PIKFYVE: variants seen among roughly 807,000 people sequenced by gnomAD.
PIKFYVE encodes the protein 1-phosphatidylinositol 3-phosphate 5-kinase.
PIKFYVE carries 122 observed loss-of-function variants against 257.9 expected under a neutral mutation model. The observed-to-expected ratio is 0.47, with a 90% CI of 0.41 to 0.55. The LOEUF (loss-of-function observed/expected upper bound fraction) is 0.55, where lower values mean the gene tolerates loss of function less well. Ranked by LOEUF, PIKFYVE falls within the 20% of genes least tolerant of loss-of-function variation. The pLI, the probability that PIKFYVE is intolerant of heterozygous loss-of-function variation, is 0.00. For synonymous variants in PIKFYVE, 892 were observed against 868.9 expected, an observed-to-expected ratio of 1.03 and a Z score of -0.47; for missense variants, 2,160 against 2,536.6, an observed-to-expected ratio of 0.85 and a Z score of 3.19.
intron 27 of PIKFYVE, 140 bp downstream of exon 27, chr2:208,336,340 C>CT: frequency 1.1e-6 from 1 of 937,610 alleles, no homozygotes; most frequent in Non-Finnish European, 1.6e-6. Context: ...TGTCACTCTC[C>CT]TTTCCTCTTT....
At position 208,330,175 on chromosome 2, in the gene PIKFYVE, A is replaced by G. The variant is rs141295621; in HGVS notation, c.3791+262A>G. ...TTCGGATACCTGTTTTTTTACAGTG[A>G]TTCAAATGAGAGGTAAAATGTTGGA... is the stretch of plus-strand genomic sequence containing the variant. On this transcript the variant is annotated intron_variant, in intron 22 of 41. Transcript: ENST00000264380. 1.1e-4 allele frequency among the ~76,000 whole-genome samples: 17 copies of G among 152,300 alleles called. No individual in the cohort carries two copies. In the East Asian group the frequency reaches 3.1e-3, roughly 28 times the overall value.
chr2:208,339,148 T>C (rs1249611110), intron 29 of PIKFYVE, among the ~76,000 whole-genome samples: 1 of 152,196 alleles, frequency 6.6e-6, no homozygotes, highest in African/African-American at 2.4e-5. Flanking sequence ...GTAGGCATTG[T>C]GGTATAATGG....
At chr2:208,321,575 GTTTTTT>G (rs869195257) in intron 17 of PIKFYVE, among the ~76,000 whole-genome samples, 2 of 143,086 alleles carry the variant, frequency 1.4e-5, no homozygotes, top group African/African-American at 5.2e-5. Flanking sequence ...CTTTTCTTTT[GTTTTTT>G]TTTTTTTTTT....
intron 5 of PIKFYVE, among the ~76,000 whole-genome samples, chr2:208,284,091 A>T (rs947109781): frequency 8.5e-5 from 13 of 152,220 alleles, no homozygotes; most frequent in African/African-American, 3.1e-4. Context: ...AGGTTTAATT[A>T]TTTTACCTCC....
chr2:208,305,764 T>C (rs1162536282), intron 12 of PIKFYVE, among the ~76,000 whole-genome samples: 1 of 152,240 alleles, frequency 6.6e-6, no homozygotes, highest in African/African-American at 2.4e-5. Context: ...ATTATAGTCC[T>C]ATCATGGGAT....
chr2:208,335,930 A>G (rs755417715), intron 26 of PIKFYVE, 29 bp downstream of exon 26: 28 of 1,588,846 alleles, frequency 1.8e-5, no homozygotes, highest in South Asian at 2.2e-5. Context: ...AGAAAATTCA[A>G]AAGTTAATTA....
intron 31 of PIKFYVE, among the ~76,000 whole-genome samples, chr2:208,341,845 T>C (rs562236146): frequency 6.6e-6 from 1 of 152,198 alleles, no homozygotes; most frequent in African/African-American, 2.4e-5. Flanking sequence ...GGGTAAACAT[T>C]CATTCTGTAG....
rs766580494 is a variant in PIKFYVE at position 208,336,104 on chromosome 2, C to G, written c.4424C>G (p.Ser1475Cys). The G allele has an allele frequency of 1.2e-5, 20 of 1,613,930 alleles. No individual in the cohort carries two copies. Among genetic ancestry groups the G allele is most frequent in the Non-Finnish European group, 1.7e-5 (20 of 1,179,972 alleles). Residue 1475 changes from serine to cysteine, a missense_variant, in exon 27 of 42, where the codon TCC (serine) becomes TGC (cysteine). Coordinates refer to ENST00000264380, the MANE Select transcript of PIKFYVE (RefSeq NM_015040.4). Reference protein sequence around the residue: ...IEKMQARLMSSSVDTPQQLQS... With the variant: ...IEKMQARLMSCSVDTPQQLQS... ...AAGATGCAAGCAAGGCTCATGTCTT[C>G]CTCTGTAGATACCCCTCAGCAACTG...
intron 12 of PIKFYVE, chr2:208,305,225 A>T: frequency 6.9e-7 from 1 of 1,447,478 alleles, no homozygotes; most frequent in Non-Finnish European, 9.1e-7. Flanking sequence ...CCTCAGCACC[A>T]CCATGCCCAG....
intron 1 of PIKFYVE, among the ~76,000 whole-genome samples, chr2:208,268,578 CTT>C (rs67368199): frequency 6.9e-6 from 1 of 145,106 alleles, no homozygotes. Context: ...TGCCTGGCCT[CTT>C]TTTTTTTTTA....
intron 13 of PIKFYVE, 73 bp downstream of exon 13, chr2:208,312,368 T>A (rs910145634): frequency 8.4e-7 from 1 of 1,185,888 alleles, no homozygotes; most frequent in African/African-American, 1.5e-5. Flanking sequence ...GCTTAGCACA[T>A]TGATTAGCAC....
At chr2:208,296,742 A>T (rs1693040791) in intron 7 of PIKFYVE, among the ~76,000 whole-genome samples, 1 of 152,170 alleles carries the variant, frequency 6.6e-6, no homozygotes, top group Non-Finnish European at 1.5e-5. Context: ...CCAGGAGGGT[A>T]TTTATCTTAT....
Position 208,288,874 on chromosome 2 carries a change from A to T in PIKFYVE, c.911+56A>T. The T allele has an allele frequency of 1.9e-6, 3 of 1,596,668 alleles. No individual in the cohort carries two copies. The Admixed American group carries it at 5.0e-5, about 27-fold the overall frequency. ...CTGATGTTTATTTCTTTTCATGCTA[A>T]TAAGAAGAACAAACGGATAAAAAGG... On this transcript the variant is annotated intron_variant, in intron 7 of 41. Transcript: ENST00000264380.
chr2:208,341,933 C>G (rs564693185), intron 31 of PIKFYVE, among the ~76,000 whole-genome samples: 1 of 117,612 alleles, frequency 8.5e-6, no homozygotes, highest in Non-Finnish European at 1.8e-5. Context: ...CCCCACTACA[C>G]TATAAACCCT....
Position 208,304,870 on chromosome 2 carries a change from C to T in PIKFYVE, c.1493C>T (p.Thr498Ile). 6.2e-6 allele frequency: 10 copies of T among 1,614,164 alleles called. No homozygotes were observed. Among genetic ancestry groups the T allele is most frequent in the Non-Finnish European group, 7.6e-6 (9 of 1,180,024 alleles). ...GATTCTGCCAGTCCTAGCAAGCGCA[C>T]ATCAGTCAGCAGTTTCCAGTCCACA... ...LANSASPSKR[T>I]SVSSFQSTVD... The change falls in exon 12 of 42, where the codon ACA becomes ATA. Residue 498 changes from threonine to isoleucine, a missense_variant. Coordinates refer to ENST00000264380, the MANE Select transcript of PIKFYVE (RefSeq NM_015040.4).
At chr2:208,296,257 G>A (rs902659543) in intron 7 of PIKFYVE, among the ~76,000 whole-genome samples, 3 of 151,990 alleles carry the variant, frequency 2.0e-5, no homozygotes, top group Admixed American at 2.0e-4. Flanking sequence ...CACCTGCCTC[G>A]GCCTCCCAAA....
At chr2:208,300,384 T>TG (rs1176443112) in intron 8 of PIKFYVE, among the ~76,000 whole-genome samples, 1 of 152,180 alleles carries the variant, frequency 6.6e-6, no homozygotes, top group African/African-American at 2.4e-5. Flanking sequence ...AGTAGGAGTC[T>TG]GGGGGCAATG....
chr2:208,325,636 A>C lies in PIKFYVE; in HGVS notation c.2825A>C (p.Glu942Ala), dbSNP rs1319863038. ...LRIVFEKGEQ[E>A]NKNLPQAVAS... Reference sequence around the variant, plus strand: ...ATTGTGTTTGAGAAGGGTGAGCAGGAAAATAAAAATCTTCCGCAGGCTGTT... The same window carrying C: ...ATTGTGTTTGAGAAGGGTGAGCAGGCAAATAAAAATCTTCCGCAGGCTGTT... Residue 942 changes from glutamate to alanine, a missense_variant, in exon 20 of 42, where the codon GAA (glutamate) becomes GCA (alanine). By Grantham distance (107) the Glu-to-Ala change is moderately radical. Around this residue, in one of 12 missense-constraint regions of PIKFYVE, gnomAD observed 522 missense variants for 514.6 expected, o/e 1.01. Transcript: ENST00000264380. 6.2e-7 allele frequency: 1 copy of C among 1,614,004 alleles called. No homozygotes were observed. Among genetic ancestry groups the C allele is most frequent in the Non-Finnish European group, 8.5e-7 (1 of 1,180,028 alleles).
intron 12 of PIKFYVE, among the ~76,000 whole-genome samples, chr2:208,310,065 TACTA>T (rs1694780386): frequency 6.6e-6 from 1 of 152,202 alleles, no homozygotes; most frequent in South Asian, 2.1e-4. Flanking sequence ...GTTTTTAACA[TACTA>T]ACGAGTTATT....
Sources: gnomAD v4.1 joint callset for allele counts (sites outside exome capture counted in the v4.1 genomes callset) on GRCh38, gnomAD v4.1.1 for gene constraint, gnomAD v4.1.1 regional missense constraint, MANE v1.5 for transcripts, NCBI Gene and HGNC (gene_info 2026-07-23, HGNC 2026-07-21) for gene names.